Variants in LIPA observed in about 807,000 individuals in gnomAD.
LIPA encodes lipase A, lysosomal acid type.
In LIPA, 26 loss-of-function variants were observed where a neutral mutation model predicts 40.6. The ratio of observed to expected loss-of-function variants is 0.64; its 90% CI spans 0.47 to 0.89. The LOEUF is 0.89. Ranked by LOEUF, LIPA falls within the 40% of genes least tolerant of loss-of-function variation. The probability of loss-of-function intolerance (pLI) is 0.00; values close to 1 mark genes in which losing one functional copy is unlikely to be tolerated. For synonymous variants in LIPA, 188 were observed against 168.4 expected (o/e 1.12, Z -0.90); for missense variants, 455 against 479.6 (o/e 0.95, Z 0.48).
intron 2 of LIPA, among the ~76,000 whole-genome samples, chr10:89,412,001 AC>A (rs1564815162): frequency 2.6e-5 from 4 of 152,302 alleles, no homozygotes; most frequent in Admixed American, 2.6e-4. Flanking sequence ...AGATGGTCTT[AC>A]AAATGGAACC....
intron 1 of LIPA, among the ~76,000 whole-genome samples, chr10:89,413,596 G>T (rs924821120): frequency 6.6e-6 from 1 of 151,828 alleles, no homozygotes; most frequent in African/African-American, 2.4e-5. Context: ...GCAAAACCCC[G>T]CCTCTACAAA....
intron 2 of LIPA, chr10:89,377,910 A>C (rs916599422): frequency 5.9e-6 from 3 of 506,668 alleles, no homozygotes; most frequent in African/African-American, 5.8e-5. Flanking sequence ...AGCTGCCAAA[A>C]CTCAGCATGT....
chr10:89,316,038 G>A (rs968542255), intron 1 of LIPA, among the ~76,000 whole-genome samples: 4 of 151,634 alleles, frequency 2.6e-5, no homozygotes, highest in East Asian at 1.9e-4. Flanking sequence ...TCATATAACC[G>A]GCTCCCAGAA....
At chr10:89,311,045 GAA>G (rs766523169) in intron 1 of LIPA, among the ~76,000 whole-genome samples, 2 of 152,134 alleles carry the variant, frequency 1.3e-5, no homozygotes, top group Non-Finnish European at 2.9e-5. Flanking sequence ...TAAAATATTT[GAA>G]AAGTCTTTCT....
intron 2 of LIPA, among the ~76,000 whole-genome samples, chr10:89,365,793 C>G (rs1468265242): frequency 6.6e-6 from 1 of 152,176 alleles, no homozygotes; most frequent in Non-Finnish European, 1.5e-5. Context: ...GGGCTCTGTT[C>G]TGTTCCATTG....
At chr10:89,386,056 T>C (rs1025414316) in intron 2 of LIPA, among the ~76,000 whole-genome samples, 1 of 151,960 alleles carries the variant, frequency 6.6e-6, no homozygotes. Context: ...AGAGGCAGGG[T>C]CTTGTGATGT....
At chr10:89,336,132 GGAA>G (rs1843735219) in intron 1 of LIPA, among the ~76,000 whole-genome samples, 1 of 140,712 alleles carries the variant, frequency 7.1e-6, no homozygotes, top group Admixed American at 7.1e-5. Context: ...AAGGAAGGGA[GGAA>G]AGAAGGAAAA....
rs763989780 is a variant in LIPA, at chr10:89,214,919, G to A, written c.1109C>T (p.Pro370Leu). ...AATGAAGTCAAGATGCTCCCATTCC[G>A]GAATGCTCTCATGGAACACCAAGTT... ...ITNLVFHESI[P>L]EWEHLDFIWG... Residue 370 changes from proline to leucine, a missense_variant, in exon 10 of 10, where the codon CCG becomes CTG. Physicochemically the swap from Pro to Leu is moderately conservative, Grantham distance 98. Coordinates refer to ENST00000336233, the MANE Select transcript of LIPA (RefSeq NM_000235.4). The A allele has an allele frequency of 1.8e-5, 29 of 1,613,892 alleles. No individual in the cohort carries two copies. Among genetic ancestry groups the A allele is most frequent in the South Asian group, 4.4e-5 (4 of 91,086 alleles).
chr10:89,228,114 C>T lies in LIPA; in HGVS notation c.428+86G>A. On this transcript the variant is annotated intron_variant, in intron 4 of 9. Coordinates refer to ENST00000336233, the MANE Select transcript of LIPA (RefSeq NM_000235.4). ...CTCTCATACAACTTCAGAGTTACCA[C>T]CTATCTACCTCTTCTGCTGGAAGCC... 3.5e-6 allele frequency: 4 copies of T among 1,139,616 alleles called. No individual in the cohort carries two copies. In the Admixed American group the frequency reaches 5.1e-5, roughly 14 times the overall value. The allele number at this position is 1,139,616 out of a possible 1,614,324, so 70.6% of individuals were successfully genotyped here.
At chr10:89,280,433 T>G (rs1205073770) in intron 1 of LIPA, among the ~76,000 whole-genome samples, 2 of 152,174 alleles carry the variant, frequency 1.3e-5, no homozygotes, top group African/African-American at 4.8e-5. Flanking sequence ...TCCCTTCGCC[T>G]CCCACTGCCT....
intron 1 of LIPA, among the ~76,000 whole-genome samples, chr10:89,287,875 G>A (rs1382345337): frequency 6.6e-6 from 1 of 152,090 alleles, no homozygotes; most frequent in Non-Finnish European, 1.5e-5. Context: ...CCACCCTGTA[G>A]TGCCCAACTC....
intron 1 of LIPA, chr10:89,308,035 G>A (rs963998822): frequency 6.6e-6 from 1 of 152,462 alleles, no homozygotes; most frequent in Non-Finnish European, 1.5e-5. Flanking sequence ...GGTACAAAAA[G>A]CAATGTGTAC....
intron 2 of LIPA, among the ~76,000 whole-genome samples, chr10:89,398,636 C>G (rs1482286466): frequency 6.6e-6 from 1 of 152,170 alleles, no homozygotes; most frequent in Non-Finnish European, 1.5e-5. Context: ...CAATATTGTC[C>G]TTTTGTGACT....
At chr10:89,373,334 C>CAAAAAAAAAAAAAAAAAA (rs34479360) in intron 2 of LIPA, among the ~76,000 whole-genome samples, 15 of 63,144 alleles carry the variant, frequency 2.4e-4, no homozygotes, top group African/African-American at 8.0e-4. Context: ...GACTCCCTCT[C>CAAAAAAAAAAAAAAAAAA]AAAAAAAAAA....
intron 1 of LIPA, among the ~76,000 whole-genome samples, chr10:89,263,892 C>T (rs149418392): frequency 1.7e-4 from 26 of 152,372 alleles, no homozygotes; most frequent in African/African-American, 6.0e-4. Flanking sequence ...GTGGGGTGGG[C>T]AGCTGCAGGC....
intron 1 of LIPA, among the ~76,000 whole-genome samples, chr10:89,322,334 A>C (rs1037093458): frequency 6.6e-6 from 1 of 152,188 alleles, no homozygotes; most frequent in African/African-American, 2.4e-5. Context: ...CTGCAGGCCA[A>C]TCATCTGAGA....
At chr10:89,362,703 CG>C in intron 2 of LIPA, 1 of 686,388 alleles carries the variant, frequency 1.5e-6, no homozygotes, top group Non-Finnish European at 2.3e-6. Context: ...AAATGCTTCC[CG>C]CTATAGAATG....
intron 1 of LIPA, chr10:89,332,566 C>G: frequency 6.2e-7 from 1 of 1,613,878 alleles, no homozygotes; most frequent in Non-Finnish European, 8.5e-7. Context: ...AATCAGTAAG[C>G]TAAAAACAAA....
chr10:89,411,596 G>A (rs1034515432), intron 2 of LIPA, among the ~76,000 whole-genome samples: 13 of 152,192 alleles, frequency 8.5e-5, no homozygotes, highest in Non-Finnish European at 1.6e-4. Flanking sequence ...CACTCTCAAA[G>A]GATTTCTCAG....
Sources: allele counts gnomAD v4.1 joint callset (sites outside exome capture counted in the v4.1 genomes callset), GRCh38; gene constraint gnomAD v4.1.1; transcripts MANE v1.5; gene names NCBI Gene and HGNC (gene_info 2026-07-23, HGNC 2026-07-21).